Variants in PUS10 observed in about 807,000 individuals in gnomAD.
PUS10 encodes the protein tRNA pseudouridine synthase Pus10.
A neutral mutation model predicts 75.0 loss-of-function variants in PUS10; 59 were observed. That is an observed-to-expected ratio of 0.79 (90% confidence interval 0.64 to 0.98). The LOEUF is 0.98. PUS10 is among the 50% of genes least tolerant of loss of function. PUS10 has a pLI of 0.00. For missense variants in PUS10, 650 were observed against 614.4 expected (o/e 1.06, Z -0.61); for synonymous variants, 219 against 211.6 (o/e 1.03, Z -0.30).
intron 15 of PUS10, among the ~76,000 whole-genome samples, chr2:60,950,313 C>A (rs1249532411): frequency 6.6e-6 from 1 of 152,168 alleles, no homozygotes; most frequent in Admixed American, 6.5e-5. Flanking sequence ...CATAAGTGCT[C>A]CTATGAGTCA....
intron 4 of PUS10, among the ~76,000 whole-genome samples, chr2:60,974,197 A>G (rs890369051): frequency 7.7e-5 from 11 of 143,316 alleles, no homozygotes; most frequent in African/African-American, 2.9e-4. Flanking sequence ...CTGTTCTACC[A>G]CTTGATAAAG....
intron 4 of PUS10, among the ~76,000 whole-genome samples, chr2:60,983,012 T>C (rs958371554): frequency 2.0e-5 from 3 of 152,044 alleles, no homozygotes; most frequent in African/African-American, 7.2e-5. Context: ...GACAAAAATA[T>C]AGTCTTGAGT....
At chr2:60,964,876 C>T (rs1317543081) in intron 8 of PUS10, among the ~76,000 whole-genome samples, 182 bp downstream of exon 8, 1 of 152,108 alleles carries the variant, frequency 6.6e-6, no homozygotes, top group Non-Finnish European at 1.5e-5. Flanking sequence ...ACTTCCTAGC[C>T]AGAGGTGAAG....
intron 15 of PUS10, among the ~76,000 whole-genome samples, chr2:60,950,255 A>C (rs1298623416): frequency 6.6e-6 from 1 of 152,218 alleles, no homozygotes; most frequent in Non-Finnish European, 1.5e-5. Flanking sequence ...TTTTACCAAA[A>C]TATTCACACT....
chr2:61,004,542 C>A (rs927936032), intron 4 of PUS10, among the ~76,000 whole-genome samples: 4 of 144,616 alleles, frequency 2.8e-5, no homozygotes, highest in African/African-American at 5.2e-5. Context: ...GGCAGGAGAA[C>A]GGCATGAACC....
intron 8 of PUS10, among the ~76,000 whole-genome samples, chr2:60,964,629 T>C (rs2104363294): frequency 6.6e-6 from 1 of 152,330 alleles, no homozygotes. Flanking sequence ...ATAAAACAAC[T>C]TACTTTGAAT....
rs748522695 is a variant in PUS10 at position 61,018,121 on chromosome 2, G to A, written c.-129C>T. On this transcript the variant is annotated 5_prime_UTR_variant, in exon 1 of 18. Coordinates refer to ENST00000316752, the MANE Select transcript of PUS10 (RefSeq NM_144709.4). ...GGGTCTCTGTGCTTGAAAGAAAGGG[G>A]GGCGGCTTCCTACCTACCGCTTCTG... The A allele has an allele frequency of 2.6e-6, 4 of 1,547,510 alleles. No individual in the cohort carries two copies. In the African/African-American group the frequency reaches 5.5e-5, roughly 21 times the overall value.
intron 2 of PUS10, among the ~76,000 whole-genome samples, chr2:61,011,484 A>T (rs963278656): frequency 2.0e-5 from 3 of 152,224 alleles, no homozygotes; most frequent in African/African-American, 4.8e-5. Context: ...CTGTTTAGAT[A>T]TCCTTTAGGA....
intron 15 of PUS10, among the ~76,000 whole-genome samples, chr2:60,952,077 T>G (rs1251069880): frequency 6.6e-6 from 1 of 152,110 alleles, no homozygotes; most frequent in Non-Finnish European, 1.5e-5. Flanking sequence ...GCCTCATGCC[T>G]GTAGTCCCAG....
chr2:60,989,811 G>C (rs951835474), intron 4 of PUS10, among the ~76,000 whole-genome samples: 8 of 152,020 alleles, frequency 5.3e-5, no homozygotes, highest in African/African-American at 1.9e-4. Context: ...TTTTAGTAGA[G>C]ATGGGCTTTC....
rs1358165628 is a variant in PUS10 at position 61,006,629 on chromosome 2, A to G, written c.396T>C (p.Val132=). ...TGGTGAATTCAAACCCAGAGGCCTC[A>G]ACCTTTTGGCACACCTGAAAAAGCA... ...KDFIKKVCQK[V]EASGFEFTSL... The change falls in exon 4 of 18, where the codon GTT becomes GTC. Residue 132 remains valine (V), a synonymous_variant. Coordinates refer to ENST00000316752, the MANE Select transcript of PUS10 (RefSeq NM_144709.4). The G allele has an allele frequency of 8.7e-6, 14 of 1,612,300 alleles. No individual in the cohort carries two copies. The highest frequency in any genetic ancestry group is 1.2e-5 in the Non-Finnish European group (14 of 1,179,362).
In PUS10 at chr2:60,971,437, A is replaced by G. The variant is rs535449481; in HGVS notation, c.503+86T>C. 3.9e-4 allele frequency: 459 copies of G among 1,190,304 alleles called. 1 individual carries two copies. Among genetic ancestry groups the G allele is most frequent in the Non-Finnish European group, 5.1e-4 (404 of 796,066 alleles). The allele number at this position is 1,190,304 out of a possible 1,614,324, so 73.7% of individuals were successfully genotyped here. On this transcript the variant is annotated intron_variant, in intron 5 of 17. Coordinates refer to ENST00000316752, the MANE Select transcript of PUS10 (RefSeq NM_144709.4). ...AGTAGCTAGTGAATGCACTATAAAA[A>G]TAGAGATTGTAGTAGTAAAAGTGCT...
intron 1 of PUS10, among the ~76,000 whole-genome samples, chr2:61,014,680 C>T (rs1454942609): frequency 2.0e-5 from 3 of 152,174 alleles, no homozygotes; most frequent in African/African-American, 7.2e-5. Flanking sequence ...GCATGGCAAT[C>T]TTATGGCATG....
chr2:60,963,753 G>GA (rs1219582962), intron 8 of PUS10, among the ~76,000 whole-genome samples: 1 of 152,048 alleles, frequency 6.6e-6, no homozygotes, highest in Non-Finnish European at 1.5e-5. Flanking sequence ...TCTTAGGCTT[G>GA]AAAAAAATCT....
At chr2:60,957,931 TTAG>T (rs1675783280) in intron 11 of PUS10, among the ~76,000 whole-genome samples, 1 of 152,262 alleles carries the variant, frequency 6.6e-6, no homozygotes, top group Non-Finnish European at 1.5e-5. Context: ...GTGAGGCACA[TTAG>T]GTGATCACTC....
At chr2:60,964,318 C>T (rs1275749204) in intron 8 of PUS10, among the ~76,000 whole-genome samples, 1 of 152,248 alleles carries the variant, frequency 6.6e-6, no homozygotes, top group Non-Finnish European at 1.5e-5. Flanking sequence ...AACAGATGTA[C>T]ATTTGACAAT....
intron 4 of PUS10, among the ~76,000 whole-genome samples, chr2:60,990,405 G>C (rs1194357764): frequency 6.6e-6 from 1 of 152,186 alleles, no homozygotes; most frequent in Non-Finnish European, 1.5e-5. Context: ...AGATGAGCCA[G>C]GTGTTTTGAG....
intron 16 of PUS10, 85 bp from the exon 17 acceptor site, chr2:60,945,193 G>T: frequency 1.2e-6 from 1 of 830,120 alleles, no homozygotes; most frequent in Non-Finnish European, 2.1e-6. Flanking sequence ...AATAATAAGA[G>T]CAGAAATGTT....
intron 4 of PUS10, among the ~76,000 whole-genome samples, chr2:60,984,958 A>C (rs1677625535): frequency 6.6e-6 from 1 of 152,220 alleles, no homozygotes; most frequent in South Asian, 2.1e-4. Context: ...AGAGAAAGAG[A>C]GAGACTAATG....
Sources: gnomAD v4.1 joint callset for allele counts (sites outside exome capture counted in the v4.1 genomes callset) on GRCh38, gnomAD v4.1.1 for gene constraint, MANE v1.5 for transcripts, NCBI Gene and HGNC (gene_info 2026-07-23, HGNC 2026-07-21) for gene names.